The following HS3ST5 variants were observed in gnomAD, a reference collection of about 807,000 sequenced individuals.
HS3ST5 encodes the protein heparan sulfate glucosamine 3-O-sulfotransferase 5.
Under a neutral mutation model 25.4 loss-of-function variants are expected in HS3ST5, and 10 were observed. The ratio of observed to expected loss-of-function variants is 0.39; its 90% CI spans 0.24 to 0.67. The LOEUF is 0.67. Ranked by LOEUF, HS3ST5 falls within the 30% of genes least tolerant of loss-of-function variation. The pLI, the probability that HS3ST5 is intolerant of heterozygous loss-of-function variation, is 0.44. For missense variants in HS3ST5, 324 were observed against 420.7 expected, an observed-to-expected ratio of 0.77 and a Z score of 2.01; for synonymous variants, 170 against 162.4, an observed-to-expected ratio of 1.05 and a Z score of -0.36.
chr6:114,284,506 CT>C (rs1273754635), intron 1 of HS3ST5, among the ~76,000 whole-genome samples: 1 of 151,874 alleles, frequency 6.6e-6, no homozygotes, highest in African/African-American at 2.4e-5. Context: ...CACAGAAAAC[CT>C]TATGACCACT....
chr6:114,108,275 A>G (rs1417119980), intron 3 of HS3ST5, among the ~76,000 whole-genome samples: 1 of 152,188 alleles, frequency 6.6e-6, no homozygotes, highest in African/African-American at 2.4e-5. Context: ...AGCACCCGAG[A>G]AAAAGTCCCA....
At chr6:114,203,037 C>T (rs1781101257) in intron 2 of HS3ST5, among the ~76,000 whole-genome samples, 2 of 152,118 alleles carry the variant, frequency 1.3e-5, no homozygotes, top group Admixed American at 1.3e-4. Context: ...TAGTTAACTG[C>T]GAAAGTGGCT....
intron 2 of HS3ST5, among the ~76,000 whole-genome samples, chr6:114,217,169 G>A (rs1054781327): frequency 3.3e-5 from 5 of 152,198 alleles, no homozygotes; most frequent in Non-Finnish European, 7.3e-5. Context: ...ATGTTTTGAT[G>A]AAACAACTTG....
At chr6:114,198,679 A>G (rs1780874151) in intron 2 of HS3ST5, among the ~76,000 whole-genome samples, 1 of 152,266 alleles carries the variant, frequency 6.6e-6, no homozygotes, top group Non-Finnish European at 1.5e-5. Flanking sequence ...TAAATAAACT[A>G]AAGAAATAAT....
At chr6:114,221,622 A>T (rs1401687839) in intron 2 of HS3ST5, among the ~76,000 whole-genome samples, 1 of 151,582 alleles carries the variant, frequency 6.6e-6, no homozygotes, top group African/African-American at 2.4e-5. Flanking sequence ...GGATAATTTT[A>T]AAAAGATACA....
chr6:114,264,609 C>CT (rs1259601285), intron 1 of HS3ST5, among the ~76,000 whole-genome samples: 9 of 151,968 alleles, frequency 5.9e-5, no homozygotes, highest in Non-Finnish European at 1.3e-4. Context: ...GTCTCTTTTT[C>CT]TTTTTTCTTC....
chr6:114,268,033 G>A (rs927646784), intron 1 of HS3ST5, among the ~76,000 whole-genome samples: 8 of 152,074 alleles, frequency 5.3e-5, no homozygotes, highest in Non-Finnish European at 8.8e-5. Context: ...CATATACATC[G>A]TGAGCTTTCT....
chr6:114,218,518 T>C (rs947386820), intron 2 of HS3ST5, among the ~76,000 whole-genome samples: 1 of 152,236 alleles, frequency 6.6e-6, no homozygotes, highest in African/African-American at 2.4e-5. Context: ...AAAATTTTGC[T>C]TCTTTTGGAA....
intron 1 of HS3ST5, among the ~76,000 whole-genome samples, chr6:114,277,501 C>T (rs1398203934): frequency 6.6e-6 from 1 of 150,628 alleles, no homozygotes; most frequent in Non-Finnish European, 1.5e-5. Context: ...GTTATACAGA[C>T]AGTAACAGTA....
intron 1 of HS3ST5, among the ~76,000 whole-genome samples, chr6:114,294,309 G>A (rs1010592932): frequency 4.6e-5 from 7 of 152,200 alleles, no homozygotes; most frequent in African/African-American, 1.7e-4. Context: ...AGGTATTCAG[G>A]CAGAGCCTGG....
chr6:114,297,358 G>A (rs559355082), intron 1 of HS3ST5, among the ~76,000 whole-genome samples: 116 of 152,154 alleles, frequency 7.6e-4, no homozygotes, highest in African/African-American at 2.5e-3. Flanking sequence ...AGGCCATTTC[G>A]GATACGCAGG....
chr6:114,239,541 T>C (rs1391327007), intron 1 of HS3ST5, among the ~76,000 whole-genome samples: 1 of 152,218 alleles, frequency 6.6e-6, no homozygotes, highest in Admixed American at 6.5e-5. Context: ...TTTTGCACTT[T>C]TCTGTTCAGC....
chr6:114,292,419 T>A (rs936318595), intron 1 of HS3ST5, among the ~76,000 whole-genome samples: 1 of 152,148 alleles, frequency 6.6e-6, no homozygotes, highest in Non-Finnish European at 1.5e-5. Flanking sequence ...CTTTTCATAG[T>A]GGCATTAATC....
chr6:114,078,665 C>T (rs1774281735), intron 3 of HS3ST5, among the ~76,000 whole-genome samples: 1 of 152,114 alleles, frequency 6.6e-6, no homozygotes, highest in Non-Finnish European at 1.5e-5. Flanking sequence ...GTGTGGTGCC[C>T]CAGTCTACCT....
intron 2 of HS3ST5, among the ~76,000 whole-genome samples, chr6:114,221,241 TA>T (rs1371769276): frequency 5.3e-5 from 8 of 152,092 alleles, no homozygotes; most frequent in African/African-American, 1.9e-4. Flanking sequence ...AACATAAAAA[TA>T]AGTCTAAAAG....
intron 1 of HS3ST5, among the ~76,000 whole-genome samples, chr6:114,286,314 AG>A (rs2114758304): frequency 6.6e-6 from 1 of 152,070 alleles, no homozygotes; most frequent in South Asian, 2.1e-4. Flanking sequence ...GGCTGAGGGG[AG>A]GAAAAAATGG....
At chr6:114,275,608 A>G (rs1773817518) in intron 1 of HS3ST5, among the ~76,000 whole-genome samples, 1 of 151,968 alleles carries the variant, frequency 6.6e-6, no homozygotes, top group Admixed American at 6.6e-5. Flanking sequence ...AAAAGGCCAG[A>G]TAGCAAATGT....
At chr6:114,329,486 T>C (rs1055551826) in intron 1 of HS3ST5, among the ~76,000 whole-genome samples, 1 of 152,152 alleles carries the variant, frequency 6.6e-6, no homozygotes, top group Admixed American at 6.6e-5. Flanking sequence ...TGGCACTGAT[T>C]TCTGTGTCCA....
intron 2 of HS3ST5, among the ~76,000 whole-genome samples, chr6:114,197,501 T>C (rs1391069258): frequency 6.6e-6 from 1 of 152,196 alleles, no homozygotes; most frequent in East Asian, 1.9e-4. Flanking sequence ...TTTATTTAGA[T>C]TCTGGGGTAG....
Sources: allele counts gnomAD v4.1 joint callset (sites outside exome capture counted in the v4.1 genomes callset), GRCh38; gene constraint gnomAD v4.1.1; transcripts MANE v1.5; gene names NCBI Gene and HGNC (gene_info 2026-07-23, HGNC 2026-07-21).